PDE10A: variants seen among roughly 807,000 people sequenced by gnomAD.
The protein encoded by PDE10A is phosphodiesterase 10A.
A neutral mutation model predicts 97.7 loss-of-function variants in PDE10A; 39 were observed. The ratio of observed to expected loss-of-function variants is 0.40; its 90% confidence interval spans 0.31 to 0.52. PDE10A has a LOEUF of 0.52. Ranked by LOEUF, PDE10A falls within the 20% of genes least tolerant of loss-of-function variation. PDE10A has a pLI of 0.56. For synonymous variants in PDE10A, 371 were observed against 376.8 expected, an observed-to-expected ratio of 0.98 and a Z score of 0.18; for missense variants, 731 against 1,047.8, an observed-to-expected ratio of 0.70 and a Z score of 4.17.
At chr6:165,535,310 G>A (rs1379131779) in intron 2 of PDE10A, among the ~76,000 whole-genome samples, 1 of 151,712 alleles carries the variant, frequency 6.6e-6, no homozygotes, top group Non-Finnish European at 1.5e-5. Context: ...GGATTTTAGT[G>A]TAGCCATCGC....
Position 165,418,027 on chromosome 6 carries a change from C to A in PDE10A, c.1796+608G>T, listed in dbSNP as rs1788442276. On this transcript the variant is annotated intron_variant, in intron 11 of 21. Transcript: ENST00000539869. The surrounding 1 kb of genome is among the most constrained non-coding windows in gnomAD (Gnocchi z 4.8). The stretch of plus-strand genomic sequence containing the variant: ...GTCAGAGTGCTCCTTGTGTAGGTTT[C>A]CAGGTGCGATATGAGCAAGCCCCCA... Among the ~76,000 whole-genome samples the A allele has an allele frequency of 6.6e-6, 1 of 152,142 alleles. No homozygotes were observed. The highest frequency in any genetic ancestry group is 6.5e-5 in the Admixed American group (1 of 15,282).
chr6:165,603,677 C>T (rs1295742610), intron 1 of PDE10A, among the ~76,000 whole-genome samples: 1 of 152,214 alleles, frequency 6.6e-6, no homozygotes, highest in Non-Finnish European at 1.5e-5. Context: ...GCTCTGTGTC[C>T]TATGCGCAGA....
chr6:165,342,055 C>T (rs1782003393), intron 19 of PDE10A, among the ~76,000 whole-genome samples: 1 of 152,088 alleles, frequency 6.6e-6, no homozygotes, highest in African/African-American at 2.4e-5. Context: ...CATTTCTCTC[C>T]AGTCTATAAG....
At chr6:165,373,498 C>A (rs1427783538) in intron 18 of PDE10A, among the ~76,000 whole-genome samples, 1 of 152,168 alleles carries the variant, frequency 6.6e-6, no homozygotes, top group Non-Finnish European at 1.5e-5. Context: ...CATGACTGGC[C>A]ATCAGAGAAA....
chr6:165,334,784 G>A (rs1415742854), intron 21 of PDE10A, among the ~76,000 whole-genome samples: 3 of 152,044 alleles, frequency 2.0e-5, no homozygotes, highest in Non-Finnish European at 2.9e-5. Flanking sequence ...GGGATGCTAC[G>A]TTTATATCCA....
chr6:165,411,939 T>C (rs1787879217), intron 13 of PDE10A, among the ~76,000 whole-genome samples: 1 of 152,158 alleles, frequency 6.6e-6, no homozygotes, highest in East Asian at 1.9e-4. Context: ...TTATGCTAAA[T>C]CTAGTTTCAT....
chr6:165,502,570 T>A (rs537275662), intron 2 of PDE10A, among the ~76,000 whole-genome samples: 10 of 152,268 alleles, frequency 6.6e-5, no homozygotes, highest in African/African-American at 2.4e-4. Flanking sequence ...CAAGTACCCA[T>A]TAGAATGGAG....
Position 165,932,600 on chromosome 6 carries a change from T to A in PDE10A, c.-615+54929A>T, listed in dbSNP as rs181145805. On this transcript the variant is annotated intron_variant, in intron 1 of 19. Coordinates refer to the PDE10A transcript ENST00000366882. ...ATCCCCCTGCCTCAGCCTCCCAAAG[T>A]TCTGAAATTACAGGCATGAGCCACC... 9.2e-4 allele frequency among the ~76,000 whole-genome samples: 140 copies of A among 152,330 alleles called. 1 individual carries two copies. Among genetic ancestry groups the A allele is most frequent in the Non-Finnish European group, 1.7e-3 (119 of 68,034 alleles).
chr6:165,544,931 T>C (rs1258967448), intron 1 of PDE10A, among the ~76,000 whole-genome samples: 1 of 144,964 alleles, frequency 6.9e-6, no homozygotes, highest in Middle Eastern at 3.3e-3. Flanking sequence ...TGGTGTAAAA[T>C]TCAGTGTGAG....
intron 1 of PDE10A, among the ~76,000 whole-genome samples, chr6:165,957,563 C>T (rs977951786): frequency 1.3e-5 from 2 of 152,188 alleles, no homozygotes; most frequent in East Asian, 1.9e-4. Context: ...TGACCTCTCC[C>T]TCTGTCAGCC....
At chr6:165,348,335 A>G (rs1336130279) in intron 18 of PDE10A, among the ~76,000 whole-genome samples, 2 of 150,630 alleles carry the variant, frequency 1.3e-5, no homozygotes, top group Non-Finnish European at 2.9e-5. Context: ...GGATACTTTT[A>G]TCTGATATCA....
chr6:165,521,121 T>C (rs931819159), intron 2 of PDE10A, among the ~76,000 whole-genome samples: 9 of 152,186 alleles, frequency 5.9e-5, no homozygotes, highest in Admixed American at 6.5e-5. Flanking sequence ...TTATATCTGT[T>C]ATAGTGATCT....
chr6:165,541,989 T>C (rs1441696532), intron 2 of PDE10A, among the ~76,000 whole-genome samples: 4 of 152,220 alleles, frequency 2.6e-5, no homozygotes, highest in Non-Finnish European at 5.9e-5. Flanking sequence ...AAATTACCTA[T>C]ACTTCTAACA....
chr6:165,924,412 T>G (rs1384371330), intron 1 of PDE10A, among the ~76,000 whole-genome samples: 2 of 152,122 alleles, frequency 1.3e-5, no homozygotes, highest in Non-Finnish European at 2.9e-5. Context: ...GTTCATGGTT[T>G]CCATGTTGGA....
chr6:165,554,441 T>C (rs1487083033), intron 1 of PDE10A, among the ~76,000 whole-genome samples: 1 of 152,040 alleles, frequency 6.6e-6, no homozygotes, highest in Non-Finnish European at 1.5e-5. Flanking sequence ...ATCAGAGAAA[T>C]GCAAATCAAA....
chr6:165,974,519 G>C (rs926660315), intron 1 of PDE10A, among the ~76,000 whole-genome samples: 3 of 152,202 alleles, frequency 2.0e-5, no homozygotes, highest in Admixed American at 6.5e-5. Context: ...CCTACACAAA[G>C]ACATAGTGGA....
chr6:165,383,649 G>A (rs1444119651), intron 17 of PDE10A, among the ~76,000 whole-genome samples: 1 of 152,090 alleles, frequency 6.6e-6, no homozygotes, highest in African/African-American at 2.4e-5. Flanking sequence ...CAGCCCCAGA[G>A]GTGGGCCTGT....
At chr6:165,385,813 T>A (rs999982741) in intron 17 of PDE10A, among the ~76,000 whole-genome samples, 1 of 152,210 alleles carries the variant, frequency 6.6e-6, no homozygotes, top group African/African-American at 2.4e-5. Flanking sequence ...TCTCTGGGCG[T>A]AGCTCAAATT....
chr6:165,731,165 C>T (rs1195200677), intron 1 of PDE10A, among the ~76,000 whole-genome samples: 1 of 152,230 alleles, frequency 6.6e-6, no homozygotes, highest in East Asian at 1.9e-4. Flanking sequence ...GCCTCGTGGC[C>T]CCCGGAGGGA....
Sources: allele counts gnomAD v4.1 joint callset (sites outside exome capture counted in the v4.1 genomes callset), GRCh38; gene constraint gnomAD v4.1.1; non-coding constraint Gnocchi (gnomAD v3.1); transcripts MANE v1.5; gene names NCBI Gene and HGNC (gene_info 2026-07-23, HGNC 2026-07-21).